The following KCNIP4 variants were observed in gnomAD, a reference collection of about 807,000 sequenced individuals.
KCNIP4 encodes the protein potassium voltage-gated channel interacting protein 4.
Under a neutral mutation model 34.0 loss-of-function variants are expected in KCNIP4, and 12 were observed. That is an observed-to-expected ratio of 0.35 (90% CI 0.23 to 0.57). The LOEUF (loss-of-function observed/expected upper bound fraction) is 0.57. Among genes scored for constraint, KCNIP4 ranks in the 20% least tolerant of loss-of-function variants. KCNIP4 has a pLI of 0.83. For missense variants in KCNIP4, 238 were observed against 311.7 expected (o/e 0.76, Z 1.78); for synonymous variants, 124 against 102.2 (o/e 1.21, Z -1.29).
intron 1 of KCNIP4, among the ~76,000 whole-genome samples, chr4:21,911,508 CTTTTTTTT>C (rs67157154): frequency 1.3e-4 from 5 of 37,116 alleles, no homozygotes; most frequent in South Asian, 3.0e-3. Context: ...AGGCGCTTGA[CTTTTTTTT>C]TTTTTTTTTT....
At chr4:21,617,310 T>G (rs1337598806) in intron 1 of KCNIP4, among the ~76,000 whole-genome samples, 1 of 152,168 alleles carries the variant, frequency 6.6e-6, no homozygotes. Flanking sequence ...CCCTCTGCTA[T>G]GAGAATCACA....
chr4:21,574,440 G>A (rs1050603585), intron 1 of KCNIP4, among the ~76,000 whole-genome samples: 1 of 151,872 alleles, frequency 6.6e-6, no homozygotes, highest in African/African-American at 2.4e-5. Context: ...TATATGGCAG[G>A]TTTAATCAAT....
At chr4:21,405,894 G>A (rs1225775203) in intron 1 of KCNIP4, among the ~76,000 whole-genome samples, 1 of 152,196 alleles carries the variant, frequency 6.6e-6, no homozygotes, top group African/African-American at 2.4e-5. Flanking sequence ...AGAGCGCAAT[G>A]GCGCGATCTT....
chr4:21,874,899 G>T (rs987001231), intron 1 of KCNIP4, among the ~76,000 whole-genome samples: 1 of 151,868 alleles, frequency 6.6e-6, no homozygotes, highest in Non-Finnish European at 1.5e-5. Flanking sequence ...ACATCCTCTG[G>T]GCTCATAAGA....
intron 1 of KCNIP4, among the ~76,000 whole-genome samples, chr4:20,986,194 G>A (rs1356206209): frequency 4.6e-5 from 7 of 152,084 alleles, no homozygotes; most frequent in African/African-American, 9.7e-5. Context: ...TAGTTTCAGC[G>A]TTTTTCCCAT....
chr4:21,920,832 C>A (rs1457861629), intron 1 of KCNIP4, among the ~76,000 whole-genome samples: 1 of 152,078 alleles, frequency 6.6e-6, no homozygotes, highest in African/African-American at 2.4e-5. Context: ...CTAATGGACA[C>A]TTAAAATTGA....
chr4:21,105,026 C>T (rs79000672), intron 1 of KCNIP4, among the ~76,000 whole-genome samples: 21,867 of 151,578 alleles, frequency 0.14, 1,901 homozygotes, highest in East Asian at 0.23. Context: ...AGTCAGGTAG[C>T]GTGATGCTTC....
At chr4:20,774,307 C>T (rs1756181781) in intron 3 of KCNIP4, among the ~76,000 whole-genome samples, 1 of 152,002 alleles carries the variant, frequency 6.6e-6, no homozygotes, top group Non-Finnish European at 1.5e-5. Context: ...TTCAGAATAT[C>T]ACACCAGTGT....
chr4:21,912,893 C>G (rs187904884), intron 1 of KCNIP4, among the ~76,000 whole-genome samples: 35 of 151,036 alleles, frequency 2.3e-4, no homozygotes, highest in Non-Finnish European at 2.4e-4. Context: ...CATTGAAATT[C>G]TTTTAGGTTG....
chr4:21,205,699 T>C (rs929416616), intron 1 of KCNIP4, among the ~76,000 whole-genome samples: 1 of 152,186 alleles, frequency 6.6e-6, no homozygotes, highest in Non-Finnish European at 1.5e-5. Flanking sequence ...CATTTTATAG[T>C]TGAAGAAATT....
At chr4:21,795,942 G>T (rs1286376765) in intron 1 of KCNIP4, among the ~76,000 whole-genome samples, 1 of 152,016 alleles carries the variant, frequency 6.6e-6, no homozygotes, top group Non-Finnish European at 1.5e-5. Context: ...GGTGGTGCGT[G>T]CCTGTAATCC....
In KCNIP4 at chr4:20,951,514, C is replaced by T. The variant is rs1043935897; in HGVS notation, c.62-68805G>A. Among the ~76,000 whole-genome samples the T allele has an allele frequency of 1.1e-4, 17 of 152,230 alleles. 1 individual carries two copies. The East Asian group carries it at 1.5e-3, about 14-fold the overall frequency. The stretch of plus-strand genomic sequence containing the variant: ...ATATTTTTTAAGTCTTAAATGAGAA[C>T]CAGCAGCTTCTGGTCATGTAGTTTC... On this transcript the variant is annotated intron_variant, in intron 1 of 8. Transcript: ENST00000382152.
chr4:20,754,960 T>G (rs1754254614), intron 4 of KCNIP4, among the ~76,000 whole-genome samples: 2 of 152,214 alleles, frequency 1.3e-5, no homozygotes, highest in African/African-American at 4.8e-5. Context: ...AATATAATTT[T>G]TCTTTAAAAA....
intron 1 of KCNIP4, among the ~76,000 whole-genome samples, chr4:21,389,068 T>C (rs982882076): frequency 3.3e-5 from 5 of 152,002 alleles, no homozygotes; most frequent in Non-Finnish European, 2.9e-5. Flanking sequence ...CATTGCAGCC[T>C]TGACCTCCCT....
intron 5 of KCNIP4, among the ~76,000 whole-genome samples, chr4:20,745,765 C>G (rs1396067795): frequency 6.6e-6 from 1 of 152,156 alleles, no homozygotes; most frequent in Non-Finnish European, 1.5e-5. Context: ...TAATGAGTGC[C>G]TCAGTGCTGG....
At chr4:21,453,302 T>C (rs1227547969) in intron 1 of KCNIP4, among the ~76,000 whole-genome samples, 1 of 152,054 alleles carries the variant, frequency 6.6e-6, no homozygotes, top group Non-Finnish European at 1.5e-5. Context: ...GTAGTAACAA[T>C]ATATTGAACC....
At chr4:21,290,640 C>T (rs1427926679) in intron 1 of KCNIP4, among the ~76,000 whole-genome samples, 1 of 152,142 alleles carries the variant, frequency 6.6e-6, no homozygotes, top group Non-Finnish European at 1.5e-5. Flanking sequence ...GAGAATTTAT[C>T]AACATGCAAA....
intron 5 of KCNIP4, among the ~76,000 whole-genome samples, chr4:20,738,333 T>A (rs1366329639): frequency 1.3e-5 from 2 of 152,190 alleles, no homozygotes; most frequent in African/African-American, 4.8e-5. Context: ...ACAGGGTCTT[T>A]GAAAACATGC....
At chr4:21,387,781 TAAATA>T (rs1722165992) in intron 1 of KCNIP4, among the ~76,000 whole-genome samples, 1 of 152,108 alleles carries the variant, frequency 6.6e-6, no homozygotes, top group Non-Finnish European at 1.5e-5. Context: ...TCGTGATAAT[TAAATA>T]AAATAATGTC....
Sources: gnomAD v4.1 joint callset for allele counts (sites outside exome capture counted in the v4.1 genomes callset) on GRCh38, gnomAD v4.1.1 for gene constraint, MANE v1.5 for transcripts, NCBI Gene and HGNC (gene_info 2026-07-23, HGNC 2026-07-21) for gene names.